The following MAP3K9 variants were observed in gnomAD, a reference collection of about 807,000 sequenced individuals.
The protein encoded by MAP3K9 is mixed lineage kinase 1 (tyr and ser/thr specificity).
MAP3K9 carries 46 observed loss-of-function variants against 95.8 expected under a neutral mutation model. The ratio of observed to expected loss-of-function variants is 0.48; its 90% CI spans 0.38 to 0.61. The LOEUF (loss-of-function observed/expected upper bound fraction) is 0.61, where lower values mean the gene tolerates loss of function less well. MAP3K9 is among the 20% of genes least tolerant of loss of function. The probability of loss-of-function intolerance (pLI) is 0.00; values close to 1 mark genes in which losing one functional copy is unlikely to be tolerated. For missense variants in MAP3K9, 1,296 were observed against 1,474.3 expected (o/e 0.88, Z 1.98); for synonymous variants, 533 against 593.8 (o/e 0.90, Z 1.49).
chr14:70,800,555 G>T, intron 2 of MAP3K9, 112 bp downstream of exon 2: 1 of 1,079,312 alleles, frequency 9.3e-7, no homozygotes, highest in African/African-American at 1.6e-5. Flanking sequence ...ATGTGTTTAA[G>T]CAAGGAGTTT....
chr14:70,735,712 A>G (rs1359749396), intron 9 of MAP3K9, among the ~76,000 whole-genome samples: 1 of 152,238 alleles, frequency 6.6e-6, no homozygotes, highest in Non-Finnish European at 1.5e-5. Flanking sequence ...AAGCCTCTCT[A>G]AAACCAAGAG....
At chr14:70,793,536 A>AAAAT (rs200506297) in intron 2 of MAP3K9, among the ~76,000 whole-genome samples, 42 of 152,246 alleles carry the variant, frequency 2.8e-4, no homozygotes, top group African/African-American at 7.2e-4. Flanking sequence ...AATAAAAAAT[A>AAAAT]AAATAAATAA....
At chr14:70,733,721 A>C (rs780322179) in intron 10 of MAP3K9, 1 of 718,362 alleles carries the variant, frequency 1.4e-6, no homozygotes, top group South Asian at 1.5e-5. Context: ...GGGGAGACTA[A>C]GATGGGAGTC....
At chr14:70,749,808 C>A (rs2054200096) in intron 4 of MAP3K9, 125 bp downstream of exon 4, 4 of 1,186,060 alleles carry the variant, frequency 3.4e-6, no homozygotes, top group Non-Finnish European at 4.8e-6. Context: ...CAGAGGATTC[C>A]TCCTTAGGTG....
In MAP3K9 at chr14:70,809,182, A is replaced by T. The variant is rs1311439461; in HGVS notation, c.-11T>A. ...TCTGGAGGGCTCCATGGAGCGGCCG[A>T]TCCATAGGGTGCGGGGCCGCCGCCG... On this transcript the variant is annotated 5_prime_UTR_variant, in exon 1 of 12. Coordinates refer to ENST00000554752, the MANE Select transcript of MAP3K9 (RefSeq NM_001284230.2). The T allele has an allele frequency of 5.3e-6, 7 of 1,327,310 alleles. No individual in the cohort carries two copies. The East Asian group carries it at 2.2e-4, about 42-fold the overall frequency. The allele number at this position is 1,327,310 out of a possible 1,614,324, so 82.2% of individuals were successfully genotyped here.
At chr14:70,750,207 T>C (rs1338969558) in intron 3 of MAP3K9, 126 bp from the exon 4 acceptor site, 1 of 878,358 alleles carries the variant, frequency 1.1e-6, no homozygotes, top group African/African-American at 1.7e-5. Context: ...GAAACAGAAA[T>C]ACTAATGTGA....
intron 2 of MAP3K9, among the ~76,000 whole-genome samples, chr14:70,777,484 C>T (rs562703382): frequency 3.9e-5 from 6 of 152,204 alleles, no homozygotes; most frequent in Non-Finnish European, 7.3e-5. Context: ...AGGAAAGACC[C>T]TCCTGACATA....
At chr14:70,750,170 T>A (rs1278092267) in intron 3 of MAP3K9, 89 bp from the exon 4 acceptor site, 2 of 1,149,448 alleles carry the variant, frequency 1.7e-6, no homozygotes, top group Non-Finnish European at 1.3e-6. Flanking sequence ...GCATCCCACA[T>A]TCTCCCCAAC....
chr14:70,735,467 G>C (rs1022777205), intron 9 of MAP3K9, among the ~76,000 whole-genome samples: 1 of 150,578 alleles, frequency 6.6e-6, no homozygotes, highest in Non-Finnish European at 1.5e-5. Context: ...CAACTTTTTC[G>C]CTGTTCAGAA....
chr14:70,738,113 A>C, intron 8 of MAP3K9, 132 bp downstream of exon 8: 1 of 1,036,012 alleles, frequency 9.7e-7, no homozygotes, highest in Non-Finnish European at 1.4e-6. Context: ...ACTGTTGTAA[A>C]GATCAAGAAG....
intron 2 of MAP3K9, among the ~76,000 whole-genome samples, chr14:70,780,278 TAGA>T (rs2054657083): frequency 6.6e-6 from 1 of 151,994 alleles, no homozygotes; most frequent in Non-Finnish European, 1.5e-5. Context: ...GGCTGGAGGA[TAGA>T]AGGAGACATG....
At chr14:70,789,228 C>T (rs2054780790) in intron 2 of MAP3K9, among the ~76,000 whole-genome samples, 1 of 152,090 alleles carries the variant, frequency 6.6e-6, no homozygotes, top group Non-Finnish European at 1.5e-5. Flanking sequence ...TTAGAAGGGG[C>T]TGGTGGGGCT....
chr14:70,742,226 A>T (rs185351358), intron 6 of MAP3K9, 125 bp downstream of exon 6: 1 of 1,334,350 alleles, frequency 7.5e-7, no homozygotes, highest in African/African-American at 1.5e-5. Flanking sequence ...GGCCCATTTA[A>T]AACAGGCTGG....
chr14:70,774,482 G>A lies in MAP3K9; in HGVS notation c.821-13300C>T, dbSNP rs992691177. On this transcript the variant is annotated intron_variant, in intron 2 of 11. Transcript: ENST00000554752. Reference sequence around the variant, plus strand: ...GTTCGAGACCAGCCTGGCCAACATGGTGAAACCCCATCCCTACTAAAAATA... The same window carrying A: ...GTTCGAGACCAGCCTGGCCAACATGATGAAACCCCATCCCTACTAAAAATA... 4.6e-5 allele frequency among the ~76,000 whole-genome samples: 7 copies of A among 151,920 alleles called. No homozygotes were observed. The East Asian group carries it at 1.2e-3, about 25-fold the overall frequency.
intron 5 of MAP3K9, among the ~76,000 whole-genome samples, chr14:70,744,786 C>T (rs572964368): frequency 6.6e-6 from 1 of 152,292 alleles, no homozygotes; most frequent in African/African-American, 2.4e-5. Context: ...CAGTCAGTCA[C>T]ACTGCTAGGG....
At chr14:70,760,960 G>C in intron 3 of MAP3K9, 42 bp downstream of exon 3, 2 of 1,597,948 alleles carry the variant, frequency 1.3e-6, no homozygotes. Context: ...GTGCCACCAA[G>C]ATGGACCTAG....
Position 70,736,000 on chromosome 14 carries a change from C to T in MAP3K9, c.1874G>A (p.Gly625Asp). ...GSPQRREKAN[G>D]LSTPSESPHF... ...TGGAGATTCTGATGGGGTACTTAAA[C>T]CATTAGCTTTCTCACGTCTCTGAGG... is the stretch of plus-strand genomic sequence containing the variant. Residue 625 changes from glycine to aspartate, a missense_variant, in exon 9 of 12, where the codon GGT becomes GAT. Physicochemically the swap from Gly to Asp is moderately conservative, Grantham distance 94. Transcript: ENST00000554752. The T allele has an allele frequency of 6.2e-7, 1 of 1,613,638 alleles. No individual in the cohort carries two copies. The highest frequency in any genetic ancestry group is 1.7e-4 in the Middle Eastern group (1 of 6,058).
rs755104317 is a variant in MAP3K9, at chr14:70,732,548, G to A, written c.2821C>T (p.Pro941Ser). The A allele has an allele frequency of 9.5e-6, 15 of 1,574,298 alleles. No individual in the cohort carries two copies. The South Asian group carries it at 1.6e-4, about 17-fold the overall frequency. The change falls in exon 11 of 12, where the codon CCT (proline) becomes TCT (serine). Residue 941 changes from proline (P) to serine (S), a missense_variant. By Grantham distance (74) the Pro-to-Ser change is moderately conservative. This residue lies in a region of MAP3K9 where 433 missense variants were observed against 441.4 expected (regional missense o/e 0.98). Transcript: ENST00000554752. ...SPSSNGLSPS[P>S]GAGMLKTPSP... ...GAGGAAGAAGACTCACCTGCTCCAG[G>A]ACTGGGGCTCAACCCATTGCTGGAG...
chr14:70,770,714 T>C (rs962652041), intron 2 of MAP3K9, among the ~76,000 whole-genome samples: 1 of 152,038 alleles, frequency 6.6e-6, no homozygotes, highest in Non-Finnish European at 1.5e-5. Flanking sequence ...TGCAGGTAAG[T>C]TGGTGATGAC....
Sources: allele counts gnomAD v4.1 joint callset (sites outside exome capture counted in the v4.1 genomes callset), GRCh38; gene constraint gnomAD v4.1.1; regional missense constraint gnomAD v4.1.1; transcripts MANE v1.5; gene names NCBI Gene and HGNC (gene_info 2026-07-23, HGNC 2026-07-21).